The following KCNH7 variants were observed in gnomAD, a reference collection of about 807,000 sequenced individuals.
The protein encoded by KCNH7 is voltage-gated inwardly rectifying potassium channel KCNH7.
In KCNH7, 49 loss-of-function variants were observed where a neutral mutation model predicts 120.8. The observed-to-expected ratio is 0.41, with a 90% CI of 0.32 to 0.51. The LOEUF is 0.51. Among genes scored for constraint, KCNH7 ranks in the 20% least tolerant of loss-of-function variants. The pLI, the probability that KCNH7 is intolerant of heterozygous loss-of-function variation, is 0.38. For synonymous variants in KCNH7, 547 were observed against 516.1 expected, an observed-to-expected ratio of 1.06 and a Z score of -0.81; for missense variants, 1,097 against 1,446.6, an observed-to-expected ratio of 0.76 and a Z score of 3.92.
intron 7 of KCNH7, among the ~76,000 whole-genome samples, chr2:162,439,846 A>C (rs1257297923): frequency 6.6e-6 from 1 of 151,582 alleles, no homozygotes; most frequent in Non-Finnish European, 1.5e-5. Flanking sequence ...ATATATATAT[A>C]TTCTAAACAA....
intron 2 of KCNH7, among the ~76,000 whole-genome samples, chr2:162,653,665 A>G (rs1198249122): frequency 6.6e-6 from 1 of 152,216 alleles, no homozygotes; most frequent in Non-Finnish European, 1.5e-5. Context: ...ATTTGTGTGG[A>G]ACTACAGAAG....
intron 2 of KCNH7, among the ~76,000 whole-genome samples, chr2:162,676,373 C>T (rs1173988548): frequency 1.3e-5 from 2 of 151,596 alleles, no homozygotes; most frequent in East Asian, 3.9e-4. Context: ...CAGATAGCAA[C>T]GTTATGGTAA....
At chr2:162,384,181 A>G (rs1686507497) in intron 13 of KCNH7, among the ~76,000 whole-genome samples, 1 of 152,014 alleles carries the variant, frequency 6.6e-6, no homozygotes, top group African/African-American at 2.4e-5. Flanking sequence ...AAATAAAAAT[A>G]AAAATAAAAT....
At chr2:162,534,829 C>G (rs1034431333) in intron 3 of KCNH7, among the ~76,000 whole-genome samples, 14 of 151,644 alleles carry the variant, frequency 9.2e-5, no homozygotes, top group African/African-American at 3.4e-4. Flanking sequence ...ATCAATCTCC[C>G]TATTGGATAT....
chr2:162,601,738 T>C (rs1478173805), intron 2 of KCNH7, among the ~76,000 whole-genome samples: 1 of 151,976 alleles, frequency 6.6e-6, no homozygotes, highest in East Asian at 1.9e-4. Context: ...AACACGTGAG[T>C]TCAGATGCTC....
chr2:162,694,910 T>G (rs558702854), intron 2 of KCNH7, among the ~76,000 whole-genome samples: 1 of 152,050 alleles, frequency 6.6e-6, no homozygotes, highest in South Asian at 2.1e-4. Flanking sequence ...TGCCAGCTAA[T>G]TTTTGTACTT....
At chr2:162,543,254 T>C (rs1346834197) in intron 2 of KCNH7, among the ~76,000 whole-genome samples, 1 of 151,088 alleles carries the variant, frequency 6.6e-6, no homozygotes, top group Non-Finnish European at 1.5e-5. Flanking sequence ...GAAACATCCT[T>C]AACATAATCT....
chr2:162,408,513 G>T (rs1249270401), intron 9 of KCNH7, among the ~76,000 whole-genome samples: 1 of 151,912 alleles, frequency 6.6e-6, no homozygotes, highest in Non-Finnish European at 1.5e-5. Context: ...TAACACTCGA[G>T]TCATAAAACA....
intron 2 of KCNH7, among the ~76,000 whole-genome samples, chr2:162,597,326 G>A (rs1694410316): frequency 6.6e-6 from 1 of 151,908 alleles, no homozygotes; most frequent in Non-Finnish European, 1.5e-5. Flanking sequence ...TAAAAACGTG[G>A]TATATACACA....
intron 2 of KCNH7, among the ~76,000 whole-genome samples, chr2:162,608,934 T>C (rs1476978731): frequency 6.6e-6 from 1 of 152,208 alleles, no homozygotes; most frequent in Non-Finnish European, 1.5e-5. Context: ...CACCAACTTC[T>C]GGACCATTAC....
At chr2:162,584,165 GAACTGTGGATACA>G (rs1016524188) in intron 2 of KCNH7, among the ~76,000 whole-genome samples, 2 of 152,144 alleles carry the variant, frequency 1.3e-5, no homozygotes, top group Middle Eastern at 3.4e-3. Context: ...ATTGCATTTA[GAACTGTGGATACA>G]GGTGTATAGG....
In KCNH7 at chr2:162,446,354, G is replaced by A. The variant is rs1222787142; in HGVS notation, c.1218C>T (p.Phe406=). The A allele has an allele frequency of 1.2e-6, 2 of 1,613,694 alleles. No homozygotes were observed. The highest frequency in any genetic ancestry group is 1.7e-6 in the Non-Finnish European group (2 of 1,179,780). The change falls in exon 7 of 16, where the codon TTC becomes TTT. Residue 406 remains phenylalanine, a synonymous_variant. Coordinates refer to ENST00000332142, the MANE Select transcript of KCNH7 (RefSeq NM_033272.4). ...GGATAAGCCAGTCCCAGACTGCCTT[G>A]AAAGGGCTGTAGTGCAATATCGTAA... ...NKFTILHYSP[F]KAVWDWLILL...
In KCNH7 at chr2:162,470,132, G is replaced by A. The variant is rs546652997; in HGVS notation, c.1129-23689C>T. 3.2e-3 allele frequency among the ~76,000 whole-genome samples: 486 copies of A among 152,150 alleles called. 3 individuals carry two copies. Among genetic ancestry groups the A allele is most frequent in the African/African-American group, 0.011 (466 of 41,490 alleles). Reference sequence around the variant, plus strand: ...GCAGCCTCTACCCGGCCGCCACCCCGTCTGGGAAGTGAGGAGTGTCTCTGC... The same window carrying A: ...GCAGCCTCTACCCGGCCGCCACCCCATCTGGGAAGTGAGGAGTGTCTCTGC... On this transcript the variant is annotated intron_variant, in intron 6 of 15. Coordinates refer to ENST00000332142, the MANE Select transcript of KCNH7 (RefSeq NM_033272.4).
At chr2:162,809,743 T>C (rs928826486) in intron 2 of KCNH7, among the ~76,000 whole-genome samples, 2 of 152,148 alleles carry the variant, frequency 1.3e-5, no homozygotes, top group East Asian at 1.9e-4. Context: ...GTAGTAAATA[T>C]ATAAGCAAGA....
At chr2:162,721,751 C>T (rs186717829) in intron 2 of KCNH7, among the ~76,000 whole-genome samples, 46 of 151,566 alleles carry the variant, frequency 3.0e-4, no homozygotes, top group East Asian at 1.9e-3. Context: ...GTCTCATTTA[C>T]GGAAATTAAA....
At chr2:162,401,190 C>A (rs1351398564) in intron 9 of KCNH7, among the ~76,000 whole-genome samples, 2 of 151,842 alleles carry the variant, frequency 1.3e-5, no homozygotes, top group East Asian at 1.9e-4. Flanking sequence ...ACAGATTAAA[C>A]AATAGCTTGT....
At chr2:162,434,397 A>AT (rs1391746065) in intron 8 of KCNH7, among the ~76,000 whole-genome samples, 3 of 152,072 alleles carry the variant, frequency 2.0e-5, no homozygotes, top group Non-Finnish European at 2.9e-5. Flanking sequence ...AGTTGAAATT[A>AT]TTTTTTAAAA....
At chr2:162,511,008 T>C (rs1691054127) in intron 5 of KCNH7, among the ~76,000 whole-genome samples, 2 of 151,772 alleles carry the variant, frequency 1.3e-5, no homozygotes, top group South Asian at 4.1e-4. Context: ...TAGAGATTTG[T>C]AATGCCAAAT....
intron 6 of KCNH7, among the ~76,000 whole-genome samples, chr2:162,492,494 CT>C (rs60525916): frequency 0.083 from 12,633 of 152,170 alleles, 1,706 homozygotes; most frequent in African/African-American, 0.28. Flanking sequence ...ACCTTTGTGA[CT>C]TTTTACCATT....
Sources: gnomAD v4.1 joint callset for allele counts (sites outside exome capture counted in the v4.1 genomes callset) on GRCh38, gnomAD v4.1.1 for gene constraint, MANE v1.5 for transcripts, NCBI Gene and HGNC (gene_info 2026-07-23, HGNC 2026-07-21) for gene names.